The following ZNF385D variants were observed in gnomAD, a reference collection of about 807,000 sequenced individuals.
ZNF385D encodes zinc finger protein 659.
ZNF385D carries 15 observed loss-of-function variants against 35.8 expected under a neutral mutation model. The observed-to-expected ratio is 0.42, with a 90% CI of 0.28 to 0.64. The LOEUF (loss-of-function observed/expected upper bound fraction) is 0.64, where lower values mean the gene tolerates loss of function less well. Ranked by LOEUF, ZNF385D falls within the 30% of genes least tolerant of loss-of-function variation. ZNF385D has a pLI of 0.23. For missense variants in ZNF385D, 474 were observed against 494.6 expected (o/e 0.96, Z 0.39); for synonymous variants, 212 against 186.8 (o/e 1.13, Z -1.10).
chr3:22,039,723 G>A (rs548710861), intron 3 of ZNF385D, among the ~76,000 whole-genome samples: 3 of 152,218 alleles, frequency 2.0e-5, no homozygotes, highest in African/African-American at 7.2e-5. Flanking sequence ...TGGAGAGCCC[G>A]AATATTATAA....
intron 3 of ZNF385D, among the ~76,000 whole-genome samples, chr3:21,779,618 G>C (rs2071416598): frequency 6.6e-6 from 1 of 151,908 alleles, no homozygotes; most frequent in Admixed American, 6.6e-5. Context: ...CTATCTTAGA[G>C]AAAAAGAAGG....
At chr3:22,252,502 G>C (rs368207042) in intron 2 of ZNF385D, among the ~76,000 whole-genome samples, 2 of 152,030 alleles carry the variant, frequency 1.3e-5, no homozygotes, top group Non-Finnish European at 2.9e-5. Flanking sequence ...TATGAGCAGA[G>C]TTCATGGGAG....
chr3:22,144,756 A>G (rs1487375134), intron 3 of ZNF385D, among the ~76,000 whole-genome samples: 1 of 152,070 alleles, frequency 6.6e-6, no homozygotes, highest in Non-Finnish European at 1.5e-5. Flanking sequence ...AAGCAAGTTC[A>G]TATTCACAAC....
chr3:22,357,608 GA>G (rs369196574), intron 2 of ZNF385D, among the ~76,000 whole-genome samples: 4,377 of 150,888 alleles, frequency 0.029, 217 homozygotes, highest in African/African-American at 0.1. Context: ...GTAACTTAAA[GA>G]AAAAAAAACT....
At chr3:21,627,333 C>G (rs770064010) in intron 2 of ZNF385D, among the ~76,000 whole-genome samples, 4 of 149,748 alleles carry the variant, frequency 2.7e-5, no homozygotes, top group Non-Finnish European at 5.9e-5. Flanking sequence ...TATGGGACAA[C>G]TAATGAGAAA....
At chr3:22,336,834 T>G in intron 2 of ZNF385D, among the ~76,000 whole-genome samples, 1 of 145,220 alleles carries the variant, frequency 6.9e-6, no homozygotes, top group East Asian at 2.0e-4. Context: ...ATGCCACCTG[T>G]GCTTTAAATG....
chr3:21,841,612 T>A (rs1695680032), intron 3 of ZNF385D, among the ~76,000 whole-genome samples: 1 of 151,964 alleles, frequency 6.6e-6, no homozygotes, highest in African/African-American at 2.4e-5. Flanking sequence ...CCTGTTTATG[T>A]CCATTCAATC....
chr3:21,661,792 T>G (rs1424881503), intron 2 of ZNF385D, among the ~76,000 whole-genome samples: 2 of 152,166 alleles, frequency 1.3e-5, no homozygotes, highest in East Asian at 3.9e-4. Flanking sequence ...ATTTTATACC[T>G]ATAACTCAGC....
chr3:22,002,312 A>G (rs1028998926), intron 3 of ZNF385D, among the ~76,000 whole-genome samples: 1 of 152,174 alleles, frequency 6.6e-6, no homozygotes, highest in African/African-American at 2.4e-5. Context: ...TATGATGAAC[A>G]AGTATATGCT....
intron 2 of ZNF385D, among the ~76,000 whole-genome samples, chr3:21,648,318 G>A (rs192115226): frequency 4.6e-5 from 7 of 152,106 alleles, no homozygotes; most frequent in Non-Finnish European, 8.8e-5. Flanking sequence ...CTTCCTCTTC[G>A]CCTTCTGCCA....
At chr3:21,722,805 C>A (rs1575533207) in intron 1 of ZNF385D, among the ~76,000 whole-genome samples, 1 of 152,240 alleles carries the variant, frequency 6.6e-6, no homozygotes. Context: ...GTGACCCTGA[C>A]TGCCTTCTAC....
At chr3:21,441,083 G>A (rs1701836368) in intron 4 of ZNF385D, among the ~76,000 whole-genome samples, 1 of 152,056 alleles carries the variant, frequency 6.6e-6, no homozygotes, top group South Asian at 2.1e-4. Context: ...AATAAACATA[G>A]ATCATGTACT....
chr3:21,978,685 C>CTCTA, intron 3 of ZNF385D, among the ~76,000 whole-genome samples: 1 of 152,088 alleles, frequency 6.6e-6, no homozygotes, highest in South Asian at 2.1e-4. Flanking sequence ...ATGTCTATGT[C>CTCTA]TCTAGATAGC....
chr3:22,144,572 C>CAAAAAAA (rs10536394), intron 3 of ZNF385D, among the ~76,000 whole-genome samples: 1 of 67,546 alleles, frequency 1.5e-5, no homozygotes, highest in African/African-American at 6.1e-5. Flanking sequence ...GACTCCATTT[C>CAAAAAAA]AAAAAAAAAA....
chr3:22,255,875 T>G (rs1212908449), intron 2 of ZNF385D, among the ~76,000 whole-genome samples: 3 of 151,670 alleles, frequency 2.0e-5, no homozygotes, highest in African/African-American at 7.3e-5. Context: ...GATTGAAGGA[T>G]ACAAAGTATT....
Position 22,067,363 on chromosome 3 carries a change from T to C in ZNF385D, c.325+101454A>G, listed in dbSNP as rs116826670. Among the ~76,000 whole-genome samples, 785 of 152,334 alleles carry C rather than the reference T, an allele frequency of 5.2e-3. 7 individuals carry two copies. The highest frequency in any genetic ancestry group is 0.018 in the African/African-American group (732 of 41,576). ...AGTTGACAGCAAGCAAGTAATAAAATGCCTAATATCATTTTATAGGTCACA... is the reference window on the plus strand; with the variant it reads ...AGTTGACAGCAAGCAAGTAATAAAACGCCTAATATCATTTTATAGGTCACA... On this transcript the variant is annotated intron_variant, in intron 3 of 5. Coordinates refer to the ZNF385D transcript ENST00000494108.
chr3:22,115,267 T>C (rs754413654), intron 3 of ZNF385D, among the ~76,000 whole-genome samples: 2 of 152,022 alleles, frequency 1.3e-5, no homozygotes, highest in Admixed American at 6.6e-5. Flanking sequence ...AGACATTACA[T>C]AGAGAAAATT....
chr3:21,530,187 A>G (rs1197452843), intron 3 of ZNF385D, among the ~76,000 whole-genome samples: 1 of 152,162 alleles, frequency 6.6e-6, no homozygotes, highest in African/African-American at 2.4e-5. Context: ...CTCGCCAGAA[A>G]CAAATACTGG....
intron 3 of ZNF385D, among the ~76,000 whole-genome samples, chr3:21,932,166 C>CAAAAAAAAAAAAAAAAAAAAAAAAAAAA (rs543138588): frequency 3.6e-5 from 2 of 55,338 alleles, no homozygotes; most frequent in Non-Finnish European, 6.2e-5. Context: ...GACTCATTCT[C>CAAAAAAAAAAAAAAAAAAAAAAAAAAAA]AAAAAAAAAA....
Sources: allele counts gnomAD v4.1 joint callset (sites outside exome capture counted in the v4.1 genomes callset), GRCh38; gene constraint gnomAD v4.1.1; transcripts MANE v1.5; gene names NCBI Gene and HGNC (gene_info 2026-07-23, HGNC 2026-07-21).